IL1RAPL1: variants seen among roughly 807,000 people sequenced by gnomAD.
The protein encoded by IL1RAPL1 is interleukin-1 receptor accessory protein-like 1.
In IL1RAPL1, 3 loss-of-function variants were observed where a neutral mutation model predicts 48.4. The observed-to-expected ratio is 0.06, with a 90% CI of 0.03 to 0.16. The LOEUF (loss-of-function observed/expected upper bound fraction) is 0.16. Among genes scored for constraint, IL1RAPL1 ranks in the 10% least tolerant of loss-of-function variants. IL1RAPL1 has a pLI of 1.00. For synonymous variants in IL1RAPL1, 185 were observed against 187.7 expected, an observed-to-expected ratio of 0.99 and a Z score of 0.12; for missense variants, 349 against 530.6, an observed-to-expected ratio of 0.66 and a Z score of 3.36.
In IL1RAPL1 at chrX:28,823,088, T is replaced by C. The variant is rs1601918589; in HGVS notation, c.82+33663T>C. 5.4e-5 allele frequency among the ~76,000 whole-genome samples: 6 copies of C among 111,819 alleles called. No homozygotes were observed. In the South Asian group the frequency reaches 2.3e-3, roughly 42 times the overall value. ...TGTGTTTCATTTTCTTCAACCCATC[T>C]CATAATACCTCTTGAGATTTCTATA... On this transcript the variant is annotated intron_variant, in intron 2 of 10. Coordinates refer to ENST00000378993, the MANE Select transcript of IL1RAPL1 (RefSeq NM_014271.4).
At chrX:29,608,595 G>A (rs1004728412) in intron 5 of IL1RAPL1, among the ~76,000 whole-genome samples, 9 of 111,143 alleles carry the variant, frequency 8.1e-5, no homozygotes, top group African/African-American at 2.6e-4. Context: ...GGGAGGCCAA[G>A]GTGGGCGGAT....
intron 3 of IL1RAPL1, among the ~76,000 whole-genome samples, chrX:29,380,723 G>A (rs1017103055): frequency 1.8e-5 from 2 of 112,077 alleles, no homozygotes; most frequent in African/African-American, 6.5e-5. Flanking sequence ...CAGTGTTACT[G>A]GTCAGTGGGG....
intron 6 of IL1RAPL1, among the ~76,000 whole-genome samples, chrX:29,781,291 G>T (rs1472197518): frequency 8.9e-6 from 1 of 111,740 alleles, no homozygotes; most frequent in African/African-American, 3.2e-5. Flanking sequence ...CCAAAATCAG[G>T]ACACAGAGAA....
intron 1 of IL1RAPL1, among the ~76,000 whole-genome samples, chrX:28,595,219 A>G (rs931479933): frequency 1.8e-5 from 2 of 112,499 alleles, no homozygotes; most frequent in Admixed American, 1.9e-4. Context: ...AGCTACAATC[A>G]TATAACTACT....
chrX:29,398,073 A>C, intron 4 of IL1RAPL1, among the ~76,000 whole-genome samples: 1 of 112,271 alleles, frequency 8.9e-6, no homozygotes, highest in Non-Finnish European at 1.9e-5. Flanking sequence ...GTCAAAGATT[A>C]GCCCCTGTAG....
intron 2 of IL1RAPL1, among the ~76,000 whole-genome samples, chrX:29,085,016 A>T (rs1927923563): frequency 8.9e-6 from 1 of 112,213 alleles, no homozygotes; most frequent in Admixed American, 9.5e-5. Flanking sequence ...TAATAAGCAT[A>T]TATTGAAATT....
At chrX:28,901,557 T>G (rs1184291174) in intron 2 of IL1RAPL1, among the ~76,000 whole-genome samples, 2 of 111,700 alleles carry the variant, frequency 1.8e-5, no homozygotes, top group Non-Finnish European at 3.8e-5. Flanking sequence ...ATTAGACTCT[T>G]TTCCTAAAGA....
chrX:28,957,836 G>C (rs1388944084), intron 2 of IL1RAPL1, among the ~76,000 whole-genome samples: 2 of 109,404 alleles, frequency 1.8e-5, no homozygotes, highest in African/African-American at 6.7e-5. Flanking sequence ...GTGGGCGCCT[G>C]TAATCCCAGC....
At chrX:29,280,990 C>T (rs1387376531) in intron 2 of IL1RAPL1, among the ~76,000 whole-genome samples, 4 of 111,991 alleles carry the variant, frequency 3.6e-5, no homozygotes, top group Non-Finnish European at 7.5e-5. Flanking sequence ...CCTGGCACAT[C>T]GTTAAGTGCT....
intron 2 of IL1RAPL1, among the ~76,000 whole-genome samples, chrX:28,821,896 C>A (rs1252275372): frequency 9.0e-6 from 1 of 111,211 alleles, no homozygotes; most frequent in African/African-American, 3.3e-5. Context: ...TATTATTTAA[C>A]CAATATACAC....
chrX:29,907,630 G>GT (rs1932663990), intron 6 of IL1RAPL1, among the ~76,000 whole-genome samples: 1 of 111,624 alleles, frequency 9.0e-6, no homozygotes, highest in African/African-American at 3.3e-5. Context: ...ACATGATGTT[G>GT]TTTTTTTATA....
At chrX:29,236,230 T>G (rs764534283) in intron 2 of IL1RAPL1, among the ~76,000 whole-genome samples, 11 of 112,442 alleles carry the variant, frequency 9.8e-5, no homozygotes, top group Admixed American at 2.8e-4. Context: ...TTAAAGATAT[T>G]CAAACACTAC....
chrX:28,604,651 C>T lies in IL1RAPL1; in HGVS notation c.-25+16604C>T, dbSNP rs1056234099. ...CTGAGGCAGGAGAATCACTTGAACC[C>T]GGGAGGCGGAGGTTGCAGTGAGCCG... On this transcript the variant is annotated intron_variant, in intron 1 of 10. Transcript: ENST00000378993. Among the ~76,000 whole-genome samples, 15 of 98,314 alleles carry T rather than the reference C, an allele frequency of 1.5e-4. 1 individual carries two copies. Among genetic ancestry groups the T allele is most frequent in the Admixed American group, 1.4e-3 (12 of 8,504 alleles). The allele number at this position is 98,314 out of a possible 115,157, so 85.4% of individuals were successfully genotyped here.
chrX:28,627,536 C>T (rs1160229017), intron 1 of IL1RAPL1, among the ~76,000 whole-genome samples: 2 of 112,097 alleles, frequency 1.8e-5, no homozygotes, highest in African/African-American at 3.2e-5. Context: ...GGGGTAGGAG[C>T]ACGGCCCACA....
intron 3 of IL1RAPL1, among the ~76,000 whole-genome samples, chrX:29,306,490 C>T (rs1412430770): frequency 3.5e-5 from 3 of 85,132 alleles, no homozygotes; most frequent in African/African-American, 1.4e-4. Context: ...GATCGTGCCA[C>T]TGCACTCCAG....
At chrX:29,041,185 C>A (rs777246454) in intron 2 of IL1RAPL1, among the ~76,000 whole-genome samples, 1 of 111,753 alleles carries the variant, frequency 8.9e-6, no homozygotes, top group South Asian at 3.7e-4. Flanking sequence ...AAAACTCATT[C>A]TTTTCACTTA....
At chrX:29,566,110 G>A (rs1018505172) in intron 5 of IL1RAPL1, among the ~76,000 whole-genome samples, 11 of 111,101 alleles carry the variant, frequency 9.9e-5, no homozygotes, top group East Asian at 2.8e-4. Flanking sequence ...CACCACACCC[G>A]GCTAATTTTT....
In IL1RAPL1 at chrX:28,734,079, A is replaced by G. The variant is rs149549309; in HGVS notation, c.-24-55241A>G. On this transcript the variant is annotated intron_variant, in intron 1 of 10. Transcript: ENST00000378993. ...CACTTTCTGTTGGCTTGACCTTCAC[A>G]AGAGATCCAGATGGTGACCATTTCT... Among the ~76,000 whole-genome samples, 1,047 of 111,280 alleles carry G rather than the reference A, an allele frequency of 9.4e-3. 11 individuals are homozygous for G. The highest frequency in any genetic ancestry group is 0.032 in the African/African-American group (995 of 30,616).
intron 1 of IL1RAPL1, among the ~76,000 whole-genome samples, chrX:28,701,949 A>G (rs1935304513): frequency 8.9e-6 from 1 of 112,001 alleles, no homozygotes; most frequent in African/African-American, 3.2e-5. Context: ...AAATAAAGCA[A>G]GACATACTTA....
Sources: allele counts gnomAD v4.1 joint callset (sites outside exome capture counted in the v4.1 genomes callset), GRCh38; gene constraint gnomAD v4.1.1; transcripts MANE v1.5; gene names NCBI Gene and HGNC (gene_info 2026-07-23, HGNC 2026-07-21).